EIF5B: variants seen among roughly 807,000 people sequenced by gnomAD.
The protein encoded by EIF5B is eIF-5B.
In EIF5B, 47 loss-of-function variants were observed where a neutral mutation model predicts 147.5. The observed-to-expected ratio is 0.32, with a 90% confidence interval of 0.25 to 0.41. The LOEUF (loss-of-function observed/expected upper bound fraction) is 0.41, where lower values mean the gene tolerates loss of function less well. Ranked by LOEUF, EIF5B falls within the 10% of genes least tolerant of loss-of-function variation. The probability of loss-of-function intolerance (pLI) is 1.00; values close to 1 mark genes in which losing one functional copy is unlikely to be tolerated. For synonymous variants in EIF5B, 455 were observed against 456.2 expected (o/e 1.00, Z 0.03); for missense variants, 1,064 against 1,413.2 (o/e 0.75, Z 3.96).
At position 99,361,280 on chromosome 2, in the gene EIF5B, G is replaced by A. The variant is rs756742872; in HGVS notation, c.379G>A (p.Ala127Thr). The change falls in exon 4 of 24, where the codon GCA becomes ACA. Residue 127 changes from alanine to threonine, a missense_variant. Coordinates refer to ENST00000289371, the MANE Select transcript of EIF5B (RefSeq NM_015904.4). The part of the protein sequence containing the change: ...EDKDSKSKKT[A>T]KPKVEMYSGS... ...TAAAGATTCAAAATCAAAAAAGACT[G>A]CAAAACCGAAAGTGGAAATGTACTC... 1.5e-5 allele frequency: 24 copies of A among 1,612,644 alleles called. No individual in the cohort carries two copies. The highest frequency in any genetic ancestry group is 4.5e-5 in the East Asian group (2 of 44,828).
intron 6 of EIF5B, 84 bp downstream of exon 6, chr2:99,364,505 A>AC: frequency 7.5e-7 from 1 of 1,331,130 alleles, no homozygotes; most frequent in Non-Finnish European, 1.0e-6. Context: ...GGAGAATGGA[A>AC]TTTGCATCAG....
intron 13 of EIF5B, 35 bp downstream of exon 13, chr2:99,382,261 TC>T: frequency 6.3e-7 from 1 of 1,574,868 alleles, no homozygotes; most frequent in Non-Finnish European, 8.7e-7. Flanking sequence ...CATCAAGCAA[TC>T]TACTTGAAAC....
intron 9 of EIF5B, among the ~76,000 whole-genome samples, chr2:99,374,432 G>T (rs928266327): frequency 1.3e-5 from 2 of 150,848 alleles, no homozygotes; most frequent in Non-Finnish European, 2.9e-5. Context: ...GTTGCGCTTC[G>T]TTTCCTGCAT....
chr2:99,385,176 A>G (rs1388542170), intron 14 of EIF5B, among the ~76,000 whole-genome samples: 1 of 152,132 alleles, frequency 6.6e-6, no homozygotes, highest in Non-Finnish European at 1.5e-5. Context: ...CCTCCCGAGT[A>G]GCTGGGATTA....
At chr2:99,387,339 T>G (rs556323986) in intron 14 of EIF5B, among the ~76,000 whole-genome samples, 82 of 152,344 alleles carry the variant, frequency 5.4e-4, no homozygotes, top group African/African-American at 1.8e-3. Flanking sequence ...AGTGATCTTT[T>G]TTTTATATAG....
At position 99,364,398 on chromosome 2, in the gene EIF5B, C is replaced by G; in HGVS notation, c.1265C>G (p.Thr422Ser). Residue 422 changes from threonine to serine, a missense_variant, in exon 6 of 24, where the codon ACT becomes AGT. Around this residue, in one of 4 missense-constraint regions of EIF5B, gnomAD observed 31 missense variants for 60.1 expected, o/e 0.52. Coordinates refer to ENST00000289371, the MANE Select transcript of EIF5B (RefSeq NM_015904.4). ...QREARARAEA[T>S]LKLLQAQGVE... ...GAAGCCAGAGCCAGAGCCGAAGCTA[C>G]TCTTAAACTGCTACAAGCTCAGGGT... is the stretch of plus-strand genomic sequence containing the variant. 6.2e-7 allele frequency: 1 copy of G among 1,603,620 alleles called. No individual in the cohort carries two copies. Among genetic ancestry groups the G allele is most frequent in the South Asian group, 1.1e-5 (1 of 88,832 alleles).
intron 17 of EIF5B, among the ~76,000 whole-genome samples, 197 bp from the exon 18 acceptor site, chr2:99,392,770 A>C (rs916180290): frequency 2.0e-5 from 3 of 151,688 alleles, no homozygotes; most frequent in Non-Finnish European, 4.4e-5. Context: ...TACTCTTGTG[A>C]CTTTTTTTTT....
rs183023092 is a variant in EIF5B, at chr2:99,344,597, C to T, written c.35+7008C>T. Among the ~76,000 whole-genome samples, 1,150 of 152,152 alleles carry T rather than the reference C, an allele frequency of 7.6e-3. 42 individuals are homozygous for T. The highest frequency in any genetic ancestry group is 0.067 in the Admixed American group (1,024 of 15,268). On this transcript the variant is annotated intron_variant, in intron 1 of 23. Transcript: ENST00000289371. ...GATTTTAGGTGTGCGCCACCAGGCC[C>T]GGCTAATATTTGTGTTTCTAGTAGA...
At chr2:99,375,597 C>T (rs937624777) in intron 9 of EIF5B, among the ~76,000 whole-genome samples, 6 of 152,126 alleles carry the variant, frequency 3.9e-5, no homozygotes, top group African/African-American at 1.4e-4. Context: ...CAACAAATGA[C>T]CATAAGGGGA....
Position 99,394,499 on chromosome 2 carries a change from A to AT in EIF5B, c.3013-4dup. 6.2e-7 allele frequency: 1 copy of AT among 1,614,054 alleles called. No individual in the cohort carries two copies. Among genetic ancestry groups the AT allele is most frequent in the Non-Finnish European group, 8.5e-7 (1 of 1,179,998 alleles). On this transcript the variant is annotated splice_polypyrimidine_tract_variant and intron_variant, in intron 19 of 23. Coordinates refer to ENST00000289371, the MANE Select transcript of EIF5B (RefSeq NM_015904.4). ...CATACAGATAAACATGGAAACTCCC[A>AT]TTTTTTCAGTATGCAGGAATTAACA...
rs1190286734 is a variant in EIF5B, at chr2:99,362,024, ATTAT to A, written c.919+209_919+212del. Among the ~76,000 whole-genome samples, 5 of 152,318 alleles carry A rather than the reference ATTAT, an allele frequency of 3.3e-5. No homozygotes were observed. The South Asian group carries it at 1.0e-3, about 32-fold the overall frequency. ...CATATATAGTATAAATATCTTTCAG[ATTAT>A]TTATGTACAGACTGGAATTTTTATA... is the stretch of plus-strand genomic sequence containing the variant. On this transcript the variant is annotated intron_variant, in intron 4 of 23. Coordinates refer to ENST00000289371, the MANE Select transcript of EIF5B (RefSeq NM_015904.4).
rs1012013344 is a variant in EIF5B, at chr2:99,390,115, T to C, written c.2404-104T>C. 3.7e-6 allele frequency: 5 copies of C among 1,337,874 alleles called. No individual in the cohort carries two copies. The African/African-American group carries it at 7.3e-5, about 20-fold the overall frequency. 82.9% of individuals were successfully genotyped at this position (1,337,874 alleles called of 1,614,324 possible). A position where few individuals can be genotyped will look rare whatever the true frequency, so the allele number is the denominator to read the frequency against. ...GATCATTTTTAGTGTTTATGAGGAG[T>C]TTCAAAATGATGAGCCATTTGCTCA... is the stretch of plus-strand genomic sequence containing the variant. On this transcript the variant is annotated intron_variant, in intron 15 of 23. Transcript: ENST00000289371.
At chr2:99,373,948 G>A (rs900733346) in intron 9 of EIF5B, among the ~76,000 whole-genome samples, 3 of 151,970 alleles carry the variant, frequency 2.0e-5, no homozygotes, top group Admixed American at 1.3e-4. Context: ...AACAATGCAG[G>A]GACTTTAGAG....
rs761570002 is a variant in EIF5B at position 99,390,612 on chromosome 2, A to T, written c.2655A>T (p.Gly885=). ...VILINGRLKE[G]DTIIVPGVEG... is the part of the protein sequence containing the mutation. ...TGATCAATGGGCGTTTGAAGGAAGG[A>T]GATACAATCATTGTTCCTGGAGTAG... Residue 885 remains glycine, a synonymous_variant, in exon 17 of 24, where the codon GGA becomes GGT. Coordinates refer to ENST00000289371, the MANE Select transcript of EIF5B (RefSeq NM_015904.4). 1 of 1,613,078 alleles carries T rather than the reference A, an allele frequency of 6.2e-7. No individual in the cohort carries two copies. The highest frequency in any genetic ancestry group is 2.2e-5 in the East Asian group (1 of 44,816).
At chr2:99,338,993 A>AATATATATATATAAAAATATAT (rs11272483) in intron 1 of EIF5B, among the ~76,000 whole-genome samples, 1 of 132,726 alleles carries the variant, frequency 7.5e-6, no homozygotes, top group Non-Finnish European at 1.6e-5. Context: ...TATATACACA[A>AATATATATATATAAAAATATAT]ATATATATAT....
At chr2:99,353,475 C>T (rs774521615) in intron 1 of EIF5B, among the ~76,000 whole-genome samples, 36 of 152,156 alleles carry the variant, frequency 2.4e-4, no homozygotes, top group Non-Finnish European at 4.7e-4. Flanking sequence ...CAGATAATGA[C>T]ATTGATACAA....
chr2:99,337,587 C>T lies in EIF5B; in HGVS notation c.33C>T (p.Asp11=), dbSNP rs1243865912. MGKKQKNKSE[D]STKDDIDLDA... is the part of the protein sequence containing the mutation. ...AGAAACAGAAAAACAAGAGCGAAGA[C>T]AGGTAGATAGGGGTTGGGTCCGTAC... The change falls in exon 1 of 24, where the codon GAC becomes GAT. Residue 11 remains aspartate, a splice_region_variant and synonymous_variant. Coordinates refer to ENST00000289371, the MANE Select transcript of EIF5B (RefSeq NM_015904.4). 1 of 1,612,766 alleles carries T rather than the reference C, an allele frequency of 6.2e-7. No individual in the cohort carries two copies. Among genetic ancestry groups the T allele is most frequent in the Non-Finnish European group, 8.5e-7 (1 of 1,179,478 alleles).
rs1003976659 is a variant in EIF5B at position 99,398,843 on chromosome 2, T to C, written c.3489T>C (p.Pro1163=). ...KGQEVCVKIE[P]IPGESPKMFG... ...AAGAAGTTTGTGTAAAAATAGAACC[T>C]ATCCCTGGTGAGTCACCCAAAATGT... Residue 1163 remains proline (P), a synonymous_variant, in exon 23 of 24, where the codon CCT becomes CCC. Coordinates refer to ENST00000289371, the MANE Select transcript of EIF5B (RefSeq NM_015904.4). The C allele has an allele frequency of 3.7e-6, 6 of 1,614,062 alleles. No homozygotes were observed. The highest frequency in any genetic ancestry group is 1.3e-5 in the African/African-American group (1 of 74,930).
chr2:99,378,609 T>C (rs915006758), intron 10 of EIF5B, among the ~76,000 whole-genome samples: 3 of 152,252 alleles, frequency 2.0e-5, no homozygotes, highest in African/African-American at 7.2e-5. Context: ...CCAGTGAATT[T>C]TTTAAAATGT....
Sources: gnomAD v4.1 joint callset for allele counts (sites outside exome capture counted in the v4.1 genomes callset) on GRCh38, gnomAD v4.1.1 for gene constraint, gnomAD v4.1.1 regional missense constraint, MANE v1.5 for transcripts, NCBI Gene and HGNC (gene_info 2026-07-23, HGNC 2026-07-21) for gene names.